Variants in SCN4A observed in about 807,000 individuals in gnomAD.
The protein encoded by SCN4A is sodium voltage-gated channel alpha subunit 4, also known as sodium channel protein type 4 subunit alpha.
A neutral mutation model predicts 162.0 loss-of-function variants in SCN4A; 83 were observed. The ratio of observed to expected loss-of-function variants is 0.51; its 90% CI spans 0.43 to 0.61. SCN4A has a LOEUF of 0.61. Ranked by LOEUF, SCN4A falls within the 20% of genes least tolerant of loss-of-function variation. SCN4A has a pLI of 0.00. For missense variants in SCN4A, 2,196 were observed against 2,462.5 expected (o/e 0.89, Z 2.29); for synonymous variants, 944 against 985.1 (o/e 0.96, Z 0.78).
chr17:63,943,341 T>TCCCTCCTCCCCGAGGACC (rs147283432), intron 22 of SCN4A, among the ~76,000 whole-genome samples: 1 of 151,752 alleles, frequency 6.6e-6, no homozygotes, highest in South Asian at 2.1e-4. Context: ...TTCATGGTCC[T>TCCCTCCTCCCCGAGGACC]CCCTTCAAGA....
At chr17:63,965,989 G>A in intron 8 of SCN4A, 113 bp downstream of exon 8, 1 of 738,968 alleles carries the variant, frequency 1.4e-6, no homozygotes, top group East Asian at 2.7e-5. Context: ...TGAGGAGATG[G>A]CCCAGTTCGG....
chr17:63,941,647 G>A lies in SCN4A; in HGVS notation c.4635C>T (p.Ile1545=). The change falls in exon 24 of 24, where the codon ATC becomes ATT. Residue 1545 remains isoleucine (I), a synonymous_variant. Coordinates refer to ENST00000435607, the MANE Select transcript of SCN4A (RefSeq NM_000334.4). This position sits in a 1 kb window ranked among gnomAD's most constrained non-coding sequence, Gnocchi z 6.2. The part of the protein sequence containing the change: ...SAGWDGLLNP[I]LNSGPPDCDP... The stretch of plus-strand genomic sequence containing the variant: ...CACAGTCTGGGGGCCCGCTGTTGAG[G>A]ATGGGGTTGAGGAGCCCGTCCCAGC... The A allele has an allele frequency of 6.2e-7, 1 of 1,614,082 alleles. No individual in the cohort carries two copies. Among genetic ancestry groups the A allele is most frequent in the South Asian group, 1.1e-5 (1 of 91,078 alleles).
chr17:63,966,374 C>T, intron 7 of SCN4A, 107 bp downstream of exon 7: 6 of 1,407,788 alleles, frequency 4.3e-6, no homozygotes, highest in Non-Finnish European at 6.0e-6. Flanking sequence ...CCATCCATGC[C>T]CACAGGTTTC....
chr17:63,949,594 T>G, intron 14 of SCN4A, 66 bp from the exon 15 acceptor site: 1 of 1,497,380 alleles, frequency 6.7e-7, no homozygotes, highest in Non-Finnish European at 9.0e-7. Flanking sequence ...TCCTACCAGA[T>G]GGGGCAGGAT....
At chr17:63,966,587 G>A (rs1909454432) in intron 6 of SCN4A, 43 bp from the exon 7 acceptor site, 1 of 1,496,992 alleles carries the variant, frequency 6.7e-7, no homozygotes. Flanking sequence ...TCACCCACAT[G>A]GACACAGTGT....
chr17:63,967,300 G>C (rs1909479537), intron 6 of SCN4A, among the ~76,000 whole-genome samples: 1 of 152,020 alleles, frequency 6.6e-6, no homozygotes, highest in Admixed American at 6.5e-5. Context: ...TTACAGGCAT[G>C]CGTCACCACG....
rs1908675281 is a variant in SCN4A at position 63,945,254 on chromosome 17, G to T, written c.3720+106C>A. The T allele has an allele frequency of 9.3e-7, 1 of 1,079,300 alleles. No individual in the cohort carries two copies. Among genetic ancestry groups the T allele is most frequent in the Admixed American group, 2.1e-5 (1 of 47,258 alleles). 66.9% of individuals were successfully genotyped at this position (1,079,300 alleles called of 1,614,324 possible). ...ATCCCACAGCATTGGAAGCAGGGTG[G>T]GCGGTCCCCTAACCAGGAGTGACAC... On this transcript the variant is annotated intron_variant, in intron 19 of 23. Coordinates refer to ENST00000435607, the MANE Select transcript of SCN4A (RefSeq NM_000334.4). The surrounding 1 kb of genome is among the most constrained non-coding windows in gnomAD (Gnocchi z 4.4).
Position 63,972,501 on chromosome 17 carries a change from G to GGACAGACA in SCN4A, c.274-39_274-32dup, listed in dbSNP as rs757535286. On this transcript the variant is annotated intron_variant, in intron 1 of 23. Coordinates refer to ENST00000435607, the MANE Select transcript of SCN4A (RefSeq NM_000334.4). This position sits in a 1 kb window ranked among gnomAD's most constrained non-coding sequence, Gnocchi z 4.3. ...GTGGGAGAGAGGCTGTGAGACCCAG[G>GGACAGACA]GACAGACAGACAGGCAGACAGATGG... 6.2e-7 allele frequency: 1 copy of GGACAGACA among 1,609,626 alleles called. No individual in the cohort carries two copies. Among genetic ancestry groups the GGACAGACA allele is most frequent in the African/African-American group, 1.3e-5 (1 of 74,942 alleles).
chr17:63,948,463 C>G (rs1413892532), intron 16 of SCN4A, 148 bp downstream of exon 16: 3 of 668,260 alleles, frequency 4.5e-6, no homozygotes, highest in Admixed American at 5.8e-5. Context: ...ATAACCTATC[C>G]CGGAGGCACA....
chr17:63,944,640 C>G lies in SCN4A; in HGVS notation c.3912+33G>C, dbSNP rs754037641. The G allele has an allele frequency of 6.3e-7, 1 of 1,575,374 alleles. No homozygotes were observed. ...AGGAGGCAGGAGGGAGGCCCAGCACCGGGAGGGCCCGAGGGGCTGGGCTGA... is the reference window on the plus strand; with the variant it reads ...AGGAGGCAGGAGGGAGGCCCAGCACGGGGAGGGCCCGAGGGGCTGGGCTGA... On this transcript the variant is annotated intron_variant, in intron 21 of 23. Transcript: ENST00000435607. This position sits in a 1 kb window ranked among gnomAD's most constrained non-coding sequence, Gnocchi z 4.3.
chr17:63,967,041 G>C (rs531140070), intron 6 of SCN4A, among the ~76,000 whole-genome samples: 1 of 152,296 alleles, frequency 6.6e-6, no homozygotes, highest in African/African-American at 2.4e-5. Context: ...GTGGGTGATG[G>C]TGACCCTGCC....
chr17:63,948,198 A>G, intron 16 of SCN4A, 135 bp from the exon 17 acceptor site: 2 of 639,608 alleles, frequency 3.1e-6, no homozygotes, highest in East Asian at 6.0e-5. Flanking sequence ...GGCTGTCCGC[A>G]TCTCCTGGAC....
chr17:63,941,056 C>G lies in SCN4A; in HGVS notation c.5226G>C (p.Leu1742=). 6.2e-7 allele frequency: 1 copy of G among 1,613,972 alleles called. No individual in the cohort carries two copies. The highest frequency in any genetic ancestry group is 8.5e-7 in the Non-Finnish European group (1 of 1,179,882). Residue 1742 remains leucine, a synonymous_variant, in exon 24 of 24, where the codon CTG becomes CTC. Transcript: ENST00000435607. The surrounding 1 kb of genome is among the most constrained non-coding windows in gnomAD (Gnocchi z 6.2). ...IKIQRAYRRH[L]LQRSMKQASY... The stretch of plus-strand genomic sequence containing the variant: ...ATGCCTGCTTCATGGAGCGCTGTAG[C>G]AGGTGCCGGCGGTAGGCCCTCTGGA...
At chr17:63,952,976 AGG>A (rs1908961283) in intron 13 of SCN4A, among the ~76,000 whole-genome samples, 1 of 152,206 alleles carries the variant, frequency 6.6e-6, no homozygotes, top group East Asian at 1.9e-4. Context: ...GTGTGCTCTG[AGG>A]CAATTTGCCT....
At position 63,951,393 on chromosome 17, in the gene SCN4A, C is replaced by T. The variant is rs778088356; in HGVS notation, c.2853+31G>A. 1.4e-5 allele frequency: 21 copies of T among 1,459,928 alleles called. No individual in the cohort carries two copies. The highest frequency in any genetic ancestry group is 1.9e-5 in the Non-Finnish European group (20 of 1,076,970). The allele number at this position is 1,459,928 out of a possible 1,614,324, so 90.4% of individuals were successfully genotyped here. A position where few individuals can be genotyped will look rare whatever the true frequency, so the allele number is the denominator to read the frequency against. On this transcript the variant is annotated intron_variant, in intron 14 of 23. Transcript: ENST00000435607. The surrounding 1 kb of genome is among the most constrained non-coding windows in gnomAD (Gnocchi z 4.5). ...TCCAGGTCACAGGAGAATTTGAAGC[C>T]GGGTCTGTCTGAGCCCCAGCCCCGG...
chr17:63,942,599 C>A (rs911138834), intron 23 of SCN4A, among the ~76,000 whole-genome samples: 5 of 152,266 alleles, frequency 3.3e-5, no homozygotes, highest in African/African-American at 9.6e-5. Flanking sequence ...GAGTGCACGT[C>A]TTCTGGTCAG....
chr17:63,948,045 T>G lies in SCN4A; in HGVS notation c.3163A>C (p.Ile1055Leu), dbSNP rs1260666135. 22 of 1,605,340 alleles carry G rather than the reference T, an allele frequency of 1.4e-5. No homozygotes were observed. The highest frequency in any genetic ancestry group is 1.8e-5 in the Non-Finnish European group (21 of 1,173,248). Residue 1055 changes from isoleucine (I) to leucine (L), a missense_variant, in exon 17 of 24, where the codon ATT becomes CTT. Coordinates refer to ENST00000435607, the MANE Select transcript of SCN4A (RefSeq NM_000334.4). ...GTGCGAATGACTCGCCGCTGCTCAATGTAGATGTCCTCGAAGGCCTGGGGG... is the reference window on the plus strand; with the variant it reads ...GTGCGAATGACTCGCCGCTGCTCAAGGTAGATGTCCTCGAAGGCCTGGGGG... The part of the protein sequence containing the change: ...SGALAFEDIY[I>L]EQRRVIRTIL...
intron 12 of SCN4A, 75 bp downstream of exon 12, chr17:63,959,190 C>G: frequency 7.2e-7 from 1 of 1,385,554 alleles, no homozygotes; most frequent in Admixed American, 2.0e-5. Context: ...TTTCTCCTCC[C>G]ATCCCTGTGC....
rs538978403 is a variant in SCN4A at position 63,972,425 on chromosome 17, C to T, written c.319G>A (p.Ala107Thr). 19 of 1,613,878 alleles carry T rather than the reference C, an allele frequency of 1.2e-5. No homozygotes were observed. The highest frequency in any genetic ancestry group is 6.6e-5 in the South Asian group (6 of 91,070). Residue 107 changes from alanine to threonine, a missense_variant, in exon 2 of 24, where the codon GCC becomes ACC. Coordinates refer to ENST00000435607, the MANE Select transcript of SCN4A (RefSeq NM_000334.4). The surrounding 1 kb of genome is among the most constrained non-coding windows in gnomAD (Gnocchi z 4.3). ...CTCAGCAGGTAGAGAGCAGGTGTGG[C>T]GGAGAAGCGGAAGATGGCCTTGCCC... ...NKGKAIFRFS[A>T]TPALYLLSPF...
Sources: allele counts gnomAD v4.1 joint callset (sites outside exome capture counted in the v4.1 genomes callset), GRCh38; gene constraint gnomAD v4.1.1; non-coding constraint Gnocchi (gnomAD v3.1); transcripts MANE v1.5; gene names NCBI Gene and HGNC (gene_info 2026-07-23, HGNC 2026-07-21).